The following FAM186A variants were observed in gnomAD, a reference collection of about 807,000 sequenced individuals.
FAM186A encodes protein FAM186A.
FAM186A carries 163 observed loss-of-function variants against 216.8 expected under a neutral mutation model. The observed-to-expected ratio is 0.75, with a 90% confidence interval of 0.66 to 0.86. The LOEUF (loss-of-function observed/expected upper bound fraction) is 0.86, where lower values mean the gene tolerates loss of function less well. FAM186A is among the 40% of genes least tolerant of loss of function. FAM186A has a pLI of 0.00. For synonymous variants in FAM186A, 805 were observed against 1,025.3 expected, an observed-to-expected ratio of 0.79 and a Z score of 4.10; for missense variants, 2,184 against 2,746.2, an observed-to-expected ratio of 0.80 and a Z score of 4.58.
intron 2 of FAM186A, among the ~76,000 whole-genome samples, chr12:50,362,659 G>A (rs1037548534): frequency 2.1e-5 from 3 of 145,146 alleles, no homozygotes; most frequent in Admixed American, 1.4e-4. Flanking sequence ...CAGGAGAATC[G>A]CTTGAGCCTG....
chr12:50,356,636 G>A (rs1423322956), intron 3 of FAM186A, among the ~76,000 whole-genome samples: 2 of 152,162 alleles, frequency 1.3e-5, no homozygotes, highest in African/African-American at 4.8e-5. Context: ...TGCCTCCAGA[G>A]TTTAGGACAT....
chr12:50,381,206 T>C (rs1370437552), intron 1 of FAM186A, among the ~76,000 whole-genome samples: 2 of 152,164 alleles, frequency 1.3e-5, no homozygotes, highest in East Asian at 3.9e-4. Flanking sequence ...CTCTCTACTC[T>C]CCTTCTTGTC....
Position 50,355,579 on chromosome 12 carries a change from G to C in FAM186A, c.1253C>G (p.Thr418Ser). Reference sequence around the variant, plus strand: ...AGCAACAGGTTGCTGTCGTAGTTCAGTTAAATCTGGAGTTCTTTCAGCTTG... The same window carrying C: ...AGCAACAGGTTGCTGTCGTAGTTCACTTAAATCTGGAGTTCTTTCAGCTTG... ...TAQAERTPDLTELRQQPVASE... is the reference protein window; with the variant it reads ...TAQAERTPDLSELRQQPVASE... Residue 418 changes from threonine to serine, a missense_variant, in exon 4 of 8, where the codon ACT (threonine) becomes AGT (serine). Physicochemically the swap from Thr to Ser is moderately conservative, Grantham distance 58. This residue lies in a region of FAM186A where 1,132 missense variants were observed against 1,263.4 expected (regional missense o/e 0.90). Coordinates refer to ENST00000327337, the MANE Select transcript of FAM186A (RefSeq NM_001145475.3). 7.7e-6 allele frequency: 12 copies of C among 1,551,636 alleles called. No individual in the cohort carries two copies. Among genetic ancestry groups the C allele is most frequent in the Non-Finnish European group, 1.0e-5 (12 of 1,146,980 alleles).
intron 4 of FAM186A, among the ~76,000 whole-genome samples, chr12:50,339,608 G>C (rs907832445): frequency 6.6e-6 from 1 of 151,920 alleles, no homozygotes. Flanking sequence ...TATTAAGTAC[G>C]GAATTAAATA....
chr12:50,347,928 G>C (rs1030911633), intron 4 of FAM186A, among the ~76,000 whole-genome samples: 1 of 151,454 alleles, frequency 6.6e-6, no homozygotes, highest in African/African-American at 2.4e-5. Context: ...TTTTTGAGAC[G>C]ACGGCACAGT....
intron 1 of FAM186A, among the ~76,000 whole-genome samples, chr12:50,369,497 A>AT (rs1943121895): frequency 8.3e-4 from 1 of 1,202 alleles, no homozygotes; most frequent in African/African-American, 1.1e-3. Flanking sequence ...ACTCCGTCTC[A>AT]AAAAAAAAAA....
At chr12:50,368,218 A>G (rs1350968434) in intron 1 of FAM186A, among the ~76,000 whole-genome samples, 3 of 151,840 alleles carry the variant, frequency 2.0e-5, no homozygotes, top group Non-Finnish European at 4.4e-5. Flanking sequence ...CCTGGCCAAC[A>G]TGGTGAAACC....
intron 1 of FAM186A, among the ~76,000 whole-genome samples, chr12:50,372,994 G>GGAAA (rs1491450637): frequency 0.042 from 2,494 of 59,494 alleles, 616 homozygotes; most frequent in East Asian, 0.051. Context: ...AAGGAAGGAA[G>GGAAA]GAATGAAAGA....
chr12:50,350,666 T>C lies in FAM186A; in HGVS notation c.6166A>G (p.Thr2056Ala). 6.4e-7 allele frequency: 1 copy of C among 1,551,636 alleles called. No homozygotes were observed. Among genetic ancestry groups the C allele is most frequent in the Non-Finnish European group, 8.7e-7 (1 of 1,146,992 alleles). Residue 2056 changes from threonine (T) to alanine (A), a missense_variant, in exon 4 of 8, where the codon ACA (threonine) becomes GCA (alanine). Coordinates refer to ENST00000327337, the MANE Select transcript of FAM186A (RefSeq NM_001145475.3). ...CATTCCAAAGGTGAAATCTGTGATG[T>C]TCTGAGTAGAGTAGTGAGAGAAGAT... is the stretch of plus-strand genomic sequence containing the variant. The part of the protein sequence containing the change: ...SPSSLTTLLR[T>A]SQISPLEWYQ...
chr12:50,363,845 G>A (rs11833608), intron 1 of FAM186A, among the ~76,000 whole-genome samples: 48,646 of 151,338 alleles, frequency 0.32, 8,096 homozygotes, highest in South Asian at 0.48. Context: ...CTGGAAAGCA[G>A]TTATCAGACT....
intron 7 of FAM186A, among the ~76,000 whole-genome samples, chr12:50,327,995 G>T (rs560755731): frequency 6.6e-6 from 1 of 152,018 alleles, no homozygotes; most frequent in Non-Finnish European, 1.5e-5. Flanking sequence ...GATAATTAAT[G>T]ATTGTTATTT....
At chr12:50,329,225 G>T (rs938274207) in intron 7 of FAM186A, among the ~76,000 whole-genome samples, 1 of 152,160 alleles carries the variant, frequency 6.6e-6, no homozygotes, top group Non-Finnish European at 1.5e-5. Context: ...TCTGACACTT[G>T]AAGCTAGTAA....
chr12:50,368,979 A>C (rs1310378613), intron 1 of FAM186A, among the ~76,000 whole-genome samples: 1 of 130,434 alleles, frequency 7.7e-6, no homozygotes, highest in Non-Finnish European at 1.5e-5. Context: ...AAAAAAAAAA[A>C]CACACACAAA....
chr12:50,365,593 A>G, intron 1 of FAM186A: 1 of 513,196 alleles, frequency 1.9e-6, no homozygotes, highest in South Asian at 2.7e-5. Flanking sequence ...TAATAAGAGT[A>G]AGATAAGTGT....
chr12:50,330,663 G>A lies in FAM186A; in HGVS notation c.6944C>T (p.Ala2315Val). 6.4e-7 allele frequency: 1 copy of A among 1,550,670 alleles called. No individual in the cohort carries two copies. Among genetic ancestry groups the A allele is most frequent in the Non-Finnish European group, 8.7e-7 (1 of 1,146,580 alleles). ...AEKTSMHSLW[A>V]QLGGYPDIPR... Reference sequence around the variant, plus strand: ...AATATCTGGGTACCCACCCAGCTGGGCCCAGAGTGAATGCATAGATGTCTT... The same window carrying A: ...AATATCTGGGTACCCACCCAGCTGGACCCAGAGTGAATGCATAGATGTCTT... Residue 2315 changes from alanine (A) to valine (V), a missense_variant, in exon 7 of 8, where the codon GCC becomes GTC. Ala to Val is a moderately conservative substitution (Grantham distance 64). This residue lies in a region of FAM186A where 721 missense variants were observed against 816.4 expected (regional missense o/e 0.88). Transcript: ENST00000327337.
intron 1 of FAM186A, among the ~76,000 whole-genome samples, chr12:50,395,120 G>C (rs1464953646): frequency 5.3e-5 from 8 of 152,020 alleles, no homozygotes; most frequent in Non-Finnish European, 1.2e-4. Flanking sequence ...TTTGAGACAG[G>C]GTCTCGCTAT....
chr12:50,366,945 T>G (rs1943095246), intron 1 of FAM186A, among the ~76,000 whole-genome samples: 1 of 151,378 alleles, frequency 6.6e-6, no homozygotes, highest in Non-Finnish European at 1.5e-5. Flanking sequence ...ACCTGGGAGG[T>G]CAAGGCTGCA....
At chr12:50,361,872 T>C (rs996471069) in intron 2 of FAM186A, among the ~76,000 whole-genome samples, 10 of 148,916 alleles carry the variant, frequency 6.7e-5, no homozygotes, top group Non-Finnish European at 1.5e-4. Flanking sequence ...CGCCCGGCCA[T>C]TATCCAGTAT....
intron 1 of FAM186A, among the ~76,000 whole-genome samples, chr12:50,377,648 C>A (rs1444560866): frequency 3.3e-5 from 5 of 151,634 alleles, no homozygotes; most frequent in African/African-American, 4.8e-5. Context: ...GCCTAGCCAA[C>A]ATGGTGAAAC....
Sources: gnomAD v4.1 joint callset for allele counts (sites outside exome capture counted in the v4.1 genomes callset) on GRCh38, gnomAD v4.1.1 for gene constraint, gnomAD v4.1.1 regional missense constraint, MANE v1.5 for transcripts, NCBI Gene and HGNC (gene_info 2026-07-23, HGNC 2026-07-21) for gene names.